FLCN: variants seen among roughly 807,000 people sequenced by gnomAD.
FLCN encodes the protein folliculin.
In FLCN, 22 loss-of-function variants were observed where a neutral mutation model predicts 62.5. The ratio of observed to expected loss-of-function variants is 0.35; its 90% CI spans 0.25 to 0.50. The LOEUF (loss-of-function observed/expected upper bound fraction) is 0.50, where lower values mean the gene tolerates loss of function less well. Ranked by LOEUF, FLCN falls within the 20% of genes least tolerant of loss-of-function variation. The pLI, the probability that FLCN is intolerant of heterozygous loss-of-function variation, is 0.97. For synonymous variants in FLCN, 319 were observed against 310.0 expected, an observed-to-expected ratio of 1.03 and a Z score of -0.30; for missense variants, 657 against 778.0, an observed-to-expected ratio of 0.84 and a Z score of 1.85.
chr17:17,226,157 C>T lies in FLCN; in HGVS notation c.396+19G>A, dbSNP rs767495491. ...ATGTGGGCTCCCACAGAGACAGGCT[C>T]TGTGGCCACAAGGCTCACCTCACAG... On this transcript the variant is annotated intron_variant, in intron 5 of 13. Coordinates refer to ENST00000285071, the MANE Select transcript of FLCN (RefSeq NM_144997.7). 8.1e-6 allele frequency: 13 copies of T among 1,613,924 alleles called. No homozygotes were observed. The highest frequency in any genetic ancestry group is 2.7e-5 in the African/African-American group (2 of 74,926).
Position 17,216,639 on chromosome 17 carries a change from ACT to A in FLCN, c.1177-138_1177-137del, listed in dbSNP as rs967644300. 1 of 1,392,076 alleles carries A rather than the reference ACT, an allele frequency of 7.2e-7. No individual in the cohort carries two copies. Among genetic ancestry groups the A allele is most frequent in the African/African-American group, 1.4e-5 (1 of 70,130 alleles). 86.2% of individuals were successfully genotyped at this position (1,392,076 alleles called of 1,614,324 possible). A position where few individuals can be genotyped will look rare whatever the true frequency, so the allele number is the denominator to read the frequency against. ...TCCCTCCTGCCAGAGGAGTCCCCAG[ACT>A]CTCAGCCCACAGTGGGGGTGAGGGG... On this transcript the variant is annotated intron_variant, in intron 10 of 13. Coordinates refer to ENST00000285071, the MANE Select transcript of FLCN (RefSeq NM_144997.7). This position sits in a 1 kb window ranked among gnomAD's most constrained non-coding sequence, Gnocchi z 4.0.
intron 4 of FLCN, among the ~76,000 whole-genome samples, chr17:17,226,897 T>C (rs1316223173): frequency 6.6e-6 from 1 of 152,176 alleles, no homozygotes; most frequent in Non-Finnish European, 1.5e-5. Flanking sequence ...GCTGAGGCTG[T>C]GCGCCCTGGA....
At position 17,224,004 on chromosome 17, in the gene FLCN, C is replaced by T. The variant is rs369906553; in HGVS notation, c.536G>A (p.Arg179Gln). 5 of 1,613,574 alleles carry T rather than the reference C, an allele frequency of 3.1e-6. No individual in the cohort carries two copies. Among genetic ancestry groups the T allele is most frequent in the African/African-American group, 2.7e-5 (2 of 74,920 alleles). Reference protein sequence around the residue: ...WYSIITIMMDRIYLINSWPFL... With the variant: ...WYSIITIMMDQIYLINSWPFL... The stretch of plus-strand genomic sequence containing the variant: ...GGGCCAGGAGTTGATGAGGTAGATC[C>T]GGTCCATCATGATGGTGATGATGCT... Residue 179 changes from arginine to glutamine, a missense_variant, in exon 6 of 14, where the codon CGG (arginine) becomes CAG (glutamine). By Grantham distance (43) the Arg-to-Gln change is conservative. Transcript: ENST00000285071.
chr17:17,219,302 T>A, intron 8 of FLCN, 93 bp from the exon 9 acceptor site: 1 of 1,440,348 alleles, frequency 6.9e-7, no homozygotes, highest in Non-Finnish European at 9.7e-7. Context: ...CCGGTCAGTG[T>A]AGATTCCTGG....
At chr17:17,220,917 C>T in intron 8 of FLCN, 1 of 274,272 alleles carries the variant, frequency 3.6e-6, no homozygotes, top group South Asian at 4.6e-5. Context: ...TGGTCATTTG[C>T]AAGCAGAAGC....
intron 4 of FLCN, 102 bp from the exon 5 acceptor site, chr17:17,226,424 G>T: frequency 7.1e-7 from 1 of 1,414,736 alleles, no homozygotes; most frequent in Non-Finnish European, 9.9e-7. Context: ...AGCTATTTTT[G>T]TAAAAAAATA....
intron 4 of FLCN, among the ~76,000 whole-genome samples, chr17:17,226,989 C>T (rs2080414114): frequency 1.3e-5 from 2 of 152,348 alleles, no homozygotes; most frequent in Non-Finnish European, 2.9e-5. Context: ...ATGGGCAACC[C>T]CAAAACCAGC....
intron 8 of FLCN, 39 bp from the exon 9 acceptor site, chr17:17,219,248 A>G (rs2047017395): frequency 1.2e-6 from 2 of 1,605,390 alleles, no homozygotes; most frequent in African/African-American, 1.3e-5. Flanking sequence ...AGATACAAAC[A>G]GTCTCATCCT....
In FLCN at chr17:17,216,500, T is replaced by A. The variant is rs1383235698; in HGVS notation, c.1180A>T (p.Met394Leu). 6.2e-7 allele frequency: 1 copy of A among 1,613,768 alleles called. No homozygotes were observed. The highest frequency in any genetic ancestry group is 2.2e-5 in the East Asian group (1 of 44,860). ...VQSAFEVLRT[M>L]LPVGCVRIIP... ...ATGCGGACGCAGCCCACGGGAAGCA[T>A]GGTCTGAGGAGGACAGCAGGACTCA... Residue 394 changes from methionine (M) to leucine (L), a missense_variant, in exon 11 of 14, where the codon ATG becomes TTG. Coordinates refer to ENST00000285071, the MANE Select transcript of FLCN (RefSeq NM_144997.7). The surrounding 1 kb of genome is among the most constrained non-coding windows in gnomAD (Gnocchi z 4.0).
chr17:17,220,544 G>C (rs139860894), intron 8 of FLCN: 1 of 152,378 alleles, frequency 6.6e-6, no homozygotes, highest in Non-Finnish European at 1.5e-5. Context: ...GCAAATCCAG[G>C]ATGCGAAGCC....
At chr17:17,219,235 T>C in intron 8 of FLCN, 26 bp from the exon 9 acceptor site, 1 of 1,611,268 alleles carries the variant, frequency 6.2e-7, no homozygotes, top group Non-Finnish European at 8.5e-7. Flanking sequence ...CAAGGACAGT[T>C]ACAGATACAA....
intron 1 of FLCN, among the ~76,000 whole-genome samples, chr17:17,234,478 G>A (rs1417114962): frequency 6.6e-6 from 1 of 150,902 alleles, no homozygotes; most frequent in African/African-American, 2.4e-5. Context: ...GCCTCCCAAA[G>A]TGCTGGGATT....
chr17:17,228,585 G>T (rs112002657), intron 3 of FLCN: 1 of 187,948 alleles, frequency 5.3e-6, no homozygotes. Context: ...TGTGGGCCAA[G>T]GTGCTAGGCA....
rs2144928136 is a variant in FLCN, at chr17:17,221,448, C to T, written c.871+89G>A. The T allele has an allele frequency of 2.5e-6, 4 of 1,614,132 alleles. No individual in the cohort carries two copies. The South Asian group carries it at 4.4e-5, about 18-fold the overall frequency. Reference sequence around the variant, plus strand: ...GCTGATTCAGAGCCGCGTTTCCCTCCCTCAGCGATTCCTGCCAGGAGAGCA... The same window carrying T: ...GCTGATTCAGAGCCGCGTTTCCCTCTCTCAGCGATTCCTGCCAGGAGAGCA... On this transcript the variant is annotated intron_variant, in intron 8 of 13. Coordinates refer to ENST00000285071, the MANE Select transcript of FLCN (RefSeq NM_144997.7).
At position 17,216,069 on chromosome 17, in the gene FLCN, C is replaced by T. The variant is rs2046909781; in HGVS notation, c.1300+311G>A. On this transcript the variant is annotated intron_variant, in intron 11 of 13. Transcript: ENST00000285071. This position sits in a 1 kb window ranked among gnomAD's most constrained non-coding sequence, Gnocchi z 4.0. Reference sequence around the variant, plus strand: ...CAGCTCACACCCAGCATTCAGCAGGCCTCCATCTCATAGGCACCCAATCAC... The same window carrying T: ...CAGCTCACACCCAGCATTCAGCAGGTCTCCATCTCATAGGCACCCAATCAC... Among the ~76,000 whole-genome samples the T allele has an allele frequency of 6.6e-6, 1 of 152,114 alleles. No individual in the cohort carries two copies. Among genetic ancestry groups the T allele is most frequent in the South Asian group, 2.1e-4 (1 of 4,826 alleles).
intron 9 of FLCN, 173 bp from the exon 10 acceptor site, chr17:17,217,355 A>T: frequency 1.5e-6 from 1 of 650,228 alleles, no homozygotes; most frequent in East Asian, 2.7e-5. Context: ...AAAGGGGCAG[A>T]GAGAGAAGTT....
chr17:17,224,428 TC>T (rs2047191297), intron 5 of FLCN: 4 of 497,714 alleles, frequency 8.0e-6, no homozygotes, highest in Non-Finnish European at 1.5e-5. Context: ...GTCACACCTC[TC>T]CCAGACTCAA....
intron 1 of FLCN, among the ~76,000 whole-genome samples, chr17:17,234,342 G>C (rs1052145749): frequency 1.4e-4 from 21 of 151,302 alleles, no homozygotes; most frequent in African/African-American, 5.1e-4. Context: ...TTCCCGAGTA[G>C]CTGGAATTAT....
chr17:17,229,885 G>A (rs2047369675), intron 3 of FLCN, among the ~76,000 whole-genome samples: 2 of 152,316 alleles, frequency 1.3e-5, no homozygotes, highest in Admixed American at 6.5e-5. Context: ...GTACAGCTGC[G>A]ATGCCGGCGG....
Sources: allele counts gnomAD v4.1 joint callset (sites outside exome capture counted in the v4.1 genomes callset), GRCh38; gene constraint gnomAD v4.1.1; non-coding constraint Gnocchi (gnomAD v3.1); transcripts MANE v1.5; gene names NCBI Gene and HGNC (gene_info 2026-07-23, HGNC 2026-07-21).